Variants in ZNF710 observed in about 807,000 individuals in gnomAD.
ZNF710 encodes the protein zinc finger protein 710.
ZNF710 carries 13 observed loss-of-function variants against 50.6 expected under a neutral mutation model. The observed-to-expected ratio is 0.26, with a 90% CI of 0.17 to 0.41. The LOEUF is 0.41. Ranked by LOEUF, ZNF710 falls within the 10% of genes least tolerant of loss-of-function variation. ZNF710 has a pLI of 1.00. For missense variants in ZNF710, 721 were observed against 936.6 expected, an observed-to-expected ratio of 0.77 and a Z score of 3.01; for synonymous variants, 383 against 397.0, an observed-to-expected ratio of 0.96 and a Z score of 0.42.
intron 1 of ZNF710, among the ~76,000 whole-genome samples, chr15:90,052,562 T>C (rs938769620): frequency 6.6e-6 from 1 of 152,198 alleles, no homozygotes; most frequent in African/African-American, 2.4e-5. Flanking sequence ...CCTTTATCTC[T>C]TACTGGCTCT....
Position 90,074,301 on chromosome 15 carries a change from C to G in ZNF710, c.1825+11C>G. 6.2e-7 allele frequency: 1 copy of G among 1,611,970 alleles called. No homozygotes were observed. The highest frequency in any genetic ancestry group is 8.5e-7 in the Non-Finnish European group (1 of 1,179,966). On this transcript the variant is annotated intron_variant, in intron 4 of 4. Transcript: ENST00000268154. ...GCCTGGACAGCCAAGGTGGGTGGGC[C>G]AAGCGCAATGGACAGAGCAGGAATG...
chr15:90,060,932 A>G, intron 1 of ZNF710, among the ~76,000 whole-genome samples: 1 of 152,200 alleles, frequency 6.6e-6, no homozygotes. Context: ...CAACCTGGTG[A>G]TTCAAGGCCA....
intron 1 of ZNF710, among the ~76,000 whole-genome samples, chr15:90,033,423 G>A (rs1899005644): frequency 6.6e-6 from 1 of 152,186 alleles, no homozygotes; most frequent in African/African-American, 2.4e-5. Flanking sequence ...GAGTTGGACA[G>A]GCAGAAGTCT....
At chr15:90,061,467 C>T (rs893825071) in intron 1 of ZNF710, among the ~76,000 whole-genome samples, 1 of 152,158 alleles carries the variant, frequency 6.6e-6, no homozygotes, top group Admixed American at 6.5e-5. Context: ...CCTCCGCGCC[C>T]GCCCTTCAGT....
intron 1 of ZNF710, among the ~76,000 whole-genome samples, chr15:90,004,033 C>G (rs1280512805): frequency 3.9e-5 from 6 of 152,112 alleles, no homozygotes. Flanking sequence ...TGCTTGTCTT[C>G]TCAGAGCTGA....
intron 1 of ZNF710, among the ~76,000 whole-genome samples, chr15:90,003,683 C>A (rs1898071287): frequency 6.6e-6 from 1 of 152,118 alleles, no homozygotes; most frequent in African/African-American, 2.4e-5. Flanking sequence ...CCTAGAGTGG[C>A]CATTCCTTTC....
chr15:90,029,405 C>T (rs1303538180), intron 1 of ZNF710, among the ~76,000 whole-genome samples: 1 of 152,188 alleles, frequency 6.6e-6, no homozygotes, highest in African/African-American at 2.4e-5. Flanking sequence ...AGTGCTGATA[C>T]AAACCACAGA....
intron 1 of ZNF710, among the ~76,000 whole-genome samples, chr15:90,021,020 CTT>C (rs1567223024): frequency 1.4e-5 from 2 of 146,522 alleles, no homozygotes; most frequent in African/African-American, 5.0e-5. Flanking sequence ...CCCCCCCCCC[CTT>C]AGCAGCCTGG....
intron 1 of ZNF710, among the ~76,000 whole-genome samples, chr15:90,043,746 A>G (rs974245222): frequency 1.3e-5 from 2 of 152,014 alleles, no homozygotes; most frequent in African/African-American, 4.8e-5. Flanking sequence ...TTCACGCTAG[A>G]ACATTCTTTC....
chr15:90,058,862 G>A (rs1299460003), intron 1 of ZNF710, among the ~76,000 whole-genome samples: 1 of 152,090 alleles, frequency 6.6e-6, no homozygotes, highest in Non-Finnish European at 1.5e-5. Flanking sequence ...CAGTCTCAAG[G>A]CAGAATTCTT....
chr15:90,008,427 T>TATATACAC lies in ZNF710; in HGVS notation c.-29+6818_-29+6819insCACATATA, dbSNP rs1555454963. On this transcript the variant is annotated intron_variant, in intron 1 of 4. Coordinates refer to ENST00000268154, the MANE Select transcript of ZNF710 (RefSeq NM_198526.4). ...TAGTATACGTGTGTGTGTGTGTGTGTATATATATATATACATATATATATA... is the reference window on the plus strand; with the variant it reads ...TAGTATACGTGTGTGTGTGTGTGTGTATATACACATATATATATATACATATATATATA... Among the ~76,000 whole-genome samples, 6 of 135,088 alleles carry TATATACAC rather than the reference T, an allele frequency of 4.4e-5. 1 individual carries two copies. The highest frequency in any genetic ancestry group is 2.0e-4 in the African/African-American group (6 of 30,368). The allele number at this position is 135,088 out of a possible 152,430, so 88.6% of individuals were successfully genotyped here.
chr15:90,014,890 A>ATTTTTT (rs71151546), intron 1 of ZNF710, among the ~76,000 whole-genome samples: 2 of 136,746 alleles, frequency 1.5e-5, no homozygotes, highest in Non-Finnish European at 1.6e-5. Flanking sequence ...CATCAACTGA[A>ATTTTTT]TTTTTTTTTT....
intron 4 of ZNF710, among the ~76,000 whole-genome samples, chr15:90,078,411 G>C (rs1452024654): frequency 6.6e-6 from 1 of 152,148 alleles, no homozygotes; most frequent in Non-Finnish European, 1.5e-5. Flanking sequence ...TCCAGTGGAA[G>C]AGTGACAGCC....
chr15:90,025,967 C>G lies in ZNF710; in HGVS notation c.-29+24353C>G, dbSNP rs1300567143. 2.6e-5 allele frequency: 4 copies of G among 151,924 alleles called. No individual in the cohort carries two copies. The East Asian group carries it at 7.7e-4, about 29-fold the overall frequency. 9.4% of individuals were successfully genotyped at this position (151,924 alleles called of 1,614,324 possible). The stretch of plus-strand genomic sequence containing the variant: ...AGACAGCTGGCACTATTCTCATAGC[C>G]TTAAATGCTTTTATTATTAAAAAGG... On this transcript the variant is annotated intron_variant, in intron 1 of 4. Coordinates refer to ENST00000268154, the MANE Select transcript of ZNF710 (RefSeq NM_198526.4).
intron 1 of ZNF710, among the ~76,000 whole-genome samples, chr15:90,022,493 CAGGTAT>C (rs1200618317): frequency 6.6e-6 from 1 of 152,162 alleles, no homozygotes; most frequent in Non-Finnish European, 1.5e-5. Context: ...GATGAGGCTG[CAGGTAT>C]AGGTAGGGAC....
intron 1 of ZNF710, among the ~76,000 whole-genome samples, chr15:90,061,256 C>T (rs920282671): frequency 6.6e-6 from 1 of 152,132 alleles, no homozygotes; most frequent in South Asian, 2.1e-4. Context: ...CTGCAACCTT[C>T]GCCTCCTGGG....
intron 4 of ZNF710, chr15:90,074,654 G>A: frequency 2.0e-6 from 1 of 508,132 alleles, no homozygotes; most frequent in Non-Finnish European, 3.2e-6. Context: ...AACTTAGATA[G>A]CTCATGCAAG....
chr15:90,042,917 C>T (rs1484463125), intron 1 of ZNF710, among the ~76,000 whole-genome samples: 1 of 152,254 alleles, frequency 6.6e-6, no homozygotes, highest in African/African-American at 2.4e-5. Flanking sequence ...TGAGAACACG[C>T]CTCAACGTCC....
At chr15:90,021,950 G>A (rs557233863) in intron 1 of ZNF710, among the ~76,000 whole-genome samples, 4 of 152,102 alleles carry the variant, frequency 2.6e-5, no homozygotes, top group African/African-American at 7.2e-5. Flanking sequence ...GCATGGTGGC[G>A]CATGCCTGTA....
Sources: gnomAD v4.1 joint callset for allele counts (sites outside exome capture counted in the v4.1 genomes callset) on GRCh38, gnomAD v4.1.1 for gene constraint, MANE v1.5 for transcripts, NCBI Gene and HGNC (gene_info 2026-07-23, HGNC 2026-07-21) for gene names.